SLCO1A2: variants seen among roughly 807,000 people sequenced by gnomAD.
SLCO1A2 encodes solute carrier organic anion transporter family member 1A2, also known as OATP-1.
In SLCO1A2, 67 loss-of-function variants were observed where a neutral mutation model predicts 69.0. The ratio of observed to expected loss-of-function variants is 0.97; its 90% confidence interval spans 0.80 to 1.19. SLCO1A2 has a LOEUF of 1.19. Among genes scored for constraint, SLCO1A2 ranks in the 50% most tolerant of loss-of-function variants. SLCO1A2 has a pLI of 0.00. For missense variants in SLCO1A2, 787 were observed against 793.7 expected (o/e 0.99, Z 0.10); for synonymous variants, 260 against 265.9 (o/e 0.98, Z 0.22).
chr12:21,397,153 G>A (rs1448249367), upstream of SLCO1A2, among the ~76,000 whole-genome samples: 1 of 151,946 alleles, frequency 6.6e-6, no homozygotes, highest in African/African-American at 2.4e-5. Flanking sequence ...ACACACATAG[G>A]CTCAAAATAA....
intron 1 of SLCO1A2, among the ~76,000 whole-genome samples, chr12:21,416,356 GCA>G (rs3061424): frequency 0.18 from 26,699 of 146,754 alleles, 2,873 homozygotes; most frequent in East Asian, 0.41. Context: ...AGAATCTCGG[GCA>G]CACACACACA....
intron 14 of SLCO1A2, among the ~76,000 whole-genome samples, chr12:21,273,784 A>T (rs1943310545): frequency 6.6e-6 from 1 of 152,176 alleles, no homozygotes. Context: ...ACTTCTTGAT[A>T]TGTGTCCTTT....
At chr12:21,390,692 A>G (rs1941108405) in intron 1 of SLCO1A2, among the ~76,000 whole-genome samples, 1 of 152,196 alleles carries the variant, frequency 6.6e-6, no homozygotes, top group Non-Finnish European at 1.5e-5. Context: ...GTGATTGCCA[A>G]GGGGCCATCT....
chr12:21,273,442 T>C (rs1260485962), intron 14 of SLCO1A2, among the ~76,000 whole-genome samples: 1 of 152,206 alleles, frequency 6.6e-6, no homozygotes, highest in Non-Finnish European at 1.5e-5. Flanking sequence ...CAACAATATT[T>C]ACCCTTATTT....
intron 1 of SLCO1A2, among the ~76,000 whole-genome samples, chr12:21,387,264 G>GT (rs1940926369): frequency 6.6e-6 from 1 of 152,184 alleles, no homozygotes; most frequent in Non-Finnish European, 1.5e-5. Flanking sequence ...AGAAATTTGC[G>GT]TAAGTAACAA....
At chr12:21,298,983 CAAT>C (rs1414596755) in intron 8 of SLCO1A2, among the ~76,000 whole-genome samples, 6 of 152,152 alleles carry the variant, frequency 3.9e-5, no homozygotes, top group Admixed American at 1.3e-4. Context: ...ATAGAAACAA[CAAT>C]GACAACATAA....
intron 2 of SLCO1A2, among the ~76,000 whole-genome samples, chr12:21,344,108 G>A (rs946297421): frequency 2.0e-5 from 3 of 152,048 alleles, no homozygotes; most frequent in African/African-American, 4.8e-5. Context: ...GATAAATCTT[G>A]TTTACTGAGT....
At chr12:21,332,454 A>G (rs1952675568) in intron 2 of SLCO1A2, among the ~76,000 whole-genome samples, 1 of 152,102 alleles carries the variant, frequency 6.6e-6, no homozygotes, top group Non-Finnish European at 1.5e-5. Flanking sequence ...TATCAGACTT[A>G]AGGTCTGTGT....
chr12:21,395,939 A>C (rs1246431773), upstream of SLCO1A2, among the ~76,000 whole-genome samples: 2 of 150,734 alleles, frequency 1.3e-5, no homozygotes, highest in Admixed American at 6.6e-5. Flanking sequence ...AGAACAGAAA[A>C]ACTGGAAACT....
chr12:21,331,418 G>C (rs1952607981), intron 2 of SLCO1A2, among the ~76,000 whole-genome samples: 1 of 152,162 alleles, frequency 6.6e-6, no homozygotes, highest in African/African-American at 2.4e-5. Context: ...AATTTTAGCA[G>C]CTTCAGAGGT....
chr12:21,380,772 A>G (rs1422492591), intron 1 of SLCO1A2, among the ~76,000 whole-genome samples: 1 of 152,168 alleles, frequency 6.6e-6, no homozygotes, highest in Non-Finnish European at 1.5e-5. Flanking sequence ...AATCATAGGT[A>G]CCCTTGAGTA....
chr12:21,279,488 GC>G (rs543132574), intron 12 of SLCO1A2, among the ~76,000 whole-genome samples: 134 of 152,224 alleles, frequency 8.8e-4, no homozygotes, highest in Admixed American at 1.5e-3. Context: ...ACAATGGAGC[GC>G]CAATACAACT....
intron 1 of SLCO1A2, among the ~76,000 whole-genome samples, chr12:21,401,443 G>T (rs75784580): frequency 3.2e-4 from 48 of 151,712 alleles, no homozygotes; most frequent in African/African-American, 1.1e-3. Flanking sequence ...TATATTGAAG[G>T]TCATCTTGCA....
At chr12:21,333,329 T>C (rs1016800518) in intron 2 of SLCO1A2, among the ~76,000 whole-genome samples, 9 of 152,250 alleles carry the variant, frequency 5.9e-5, no homozygotes, top group Admixed American at 4.6e-4. Context: ...TTCTGACTCA[T>C]GTCTAGTGCT....
chr12:21,276,876 C>A (rs1174843529), intron 12 of SLCO1A2, among the ~76,000 whole-genome samples: 1 of 152,218 alleles, frequency 6.6e-6, no homozygotes, highest in African/African-American at 2.4e-5. Context: ...AAGTAATCAC[C>A]CAGCCCCACA....
At chr12:21,324,101 G>A (rs1951989749) in intron 2 of SLCO1A2, among the ~76,000 whole-genome samples, 1 of 152,160 alleles carries the variant, frequency 6.6e-6, no homozygotes, top group African/African-American at 2.4e-5. Context: ...AAGAGTATTT[G>A]TGTGTCAGAA....
intron 2 of SLCO1A2, among the ~76,000 whole-genome samples, chr12:21,354,124 T>C (rs1310065998): frequency 6.6e-6 from 1 of 152,190 alleles, no homozygotes; most frequent in Admixed American, 6.5e-5. Flanking sequence ...AAACAGATTC[T>C]GAATAAACTG....
intron 2 of SLCO1A2, among the ~76,000 whole-genome samples, chr12:21,319,172 A>G (rs1276546482): frequency 6.6e-6 from 1 of 152,240 alleles, no homozygotes; most frequent in South Asian, 2.1e-4. Flanking sequence ...ACTGGTACAT[A>G]CATAGAAACA....
chr12:21,334,005 G>T (rs1414536827), intron 2 of SLCO1A2, among the ~76,000 whole-genome samples: 2 of 151,898 alleles, frequency 1.3e-5, no homozygotes, highest in Non-Finnish European at 2.9e-5. Context: ...CAGGACAAAT[G>T]TCCAGATCCC....
Sources: allele counts gnomAD v4.1 joint callset (sites outside exome capture counted in the v4.1 genomes callset), GRCh38; gene constraint gnomAD v4.1.1; transcripts MANE v1.5; gene names NCBI Gene and HGNC (gene_info 2026-07-23, HGNC 2026-07-21).